ST14: variants seen among roughly 807,000 people sequenced by gnomAD.
ST14 encodes the protein suppressor of tumorigenicity 14 protein.
Under a neutral mutation model 96.5 loss-of-function variants are expected in ST14, and 40 were observed. The observed-to-expected ratio is 0.41, with a 90% CI of 0.32 to 0.54. The LOEUF (loss-of-function observed/expected upper bound fraction) is 0.54, where lower values mean the gene tolerates loss of function less well. Among genes scored for constraint, ST14 ranks in the 20% least tolerant of loss-of-function variants. The pLI, the probability that ST14 is intolerant of heterozygous loss-of-function variation, is 0.17. For synonymous variants in ST14, 506 were observed against 492.1 expected (o/e 1.03, Z -0.37); for missense variants, 1,066 against 1,188.9 (o/e 0.90, Z 1.52).
At position 130,188,184 on chromosome 11, in the gene ST14, G is replaced by T. The variant is rs755207919; in HGVS notation, c.152G>T (p.Gly51Val). The change falls in exon 2 of 19, where the codon GGC becomes GTC. Residue 51 changes from glycine (G) to valine (V), a missense_variant. Transcript: ENST00000278742. The surrounding 1 kb of genome is among the most constrained non-coding windows in gnomAD (Gnocchi z 5.4). ...AACGTCAAGAAGGTGGAAAAGCATG[G>T]CCCGGGGCGCTGGGTGGTGCTGGCA... ...VNNVKKVEKH[G>V]PGRWVVLAAV... 1.2e-6 allele frequency: 2 copies of T among 1,614,196 alleles called. No homozygotes were observed. The highest frequency in any genetic ancestry group is 2.2e-5 in the South Asian group (2 of 91,082).
At chr11:130,162,540 T>C (rs996672287) in intron 1 of ST14, among the ~76,000 whole-genome samples, 1 of 152,140 alleles carries the variant, frequency 6.6e-6, no homozygotes, top group African/African-American at 2.4e-5. Context: ...AAATCAGATG[T>C]CTAGGGGCCA....
chr11:130,194,204 G>A lies in ST14; in HGVS notation c.931G>A (p.Val311Ile), dbSNP rs145493065. The A allele has an allele frequency of 5.2e-5, 84 of 1,614,168 alleles. No homozygotes were observed. The African/African-American group carries it at 8.4e-4, about 16-fold the overall frequency. The part of the protein sequence containing the change: ...YNLTFHSSQN[V>I]LLITLITNTE... ...CCTGACCTTCCACTCCTCCCAGAAC[G>A]TCCTGCTCATCACACTGATAACCAA... Residue 311 changes from valine to isoleucine, a missense_variant, in exon 8 of 19, where the codon GTC becomes ATC. By Grantham distance (29) the Val-to-Ile change is conservative (BLOSUM62 3). Coordinates refer to ENST00000278742, the MANE Select transcript of ST14 (RefSeq NM_021978.4).
intron 16 of ST14, among the ~76,000 whole-genome samples, chr11:130,202,214 T>C (rs756806862): frequency 6.6e-6 from 1 of 152,222 alleles, no homozygotes; most frequent in Non-Finnish European, 1.5e-5. Context: ...TTGCTTTCTT[T>C]CTCATTTCCT....
In ST14 at chr11:130,188,599, C is replaced by A; in HGVS notation, c.311C>A (p.Ala104Asp). ...MRITNENFVD[A>D]YENSNSTEFV... ...ATCACAAATGAGAATTTTGTGGATG[C>A]CTACGAGAACTCCAACTCCACTGAG... is the stretch of plus-strand genomic sequence containing the variant. The change falls in exon 3 of 19, where the codon GCC (alanine) becomes GAC (aspartate). Residue 104 changes from alanine (A) to aspartate (D), a missense_variant. Coordinates refer to ENST00000278742, the MANE Select transcript of ST14 (RefSeq NM_021978.4). This position sits in a 1 kb window ranked among gnomAD's most constrained non-coding sequence, Gnocchi z 5.4. The A allele has an allele frequency of 6.2e-7, 1 of 1,614,216 alleles. No individual in the cohort carries two copies. Among genetic ancestry groups the A allele is most frequent in the Non-Finnish European group, 8.5e-7 (1 of 1,180,038 alleles).
At chr11:130,165,365 G>A (rs770399294) in intron 1 of ST14, among the ~76,000 whole-genome samples, 2 of 152,230 alleles carry the variant, frequency 1.3e-5, no homozygotes, top group African/African-American at 2.4e-5. Flanking sequence ...AGAATTCTCA[G>A]AGTTCTTAGC....
At chr11:130,199,275 G>A (rs1454630843) in intron 15 of ST14, among the ~76,000 whole-genome samples, 1 of 152,214 alleles carries the variant, frequency 6.6e-6, no homozygotes, top group African/African-American at 2.4e-5. Context: ...CTTGGAGAAA[G>A]GCCCGTACGG....
At chr11:130,167,778 G>T (rs7946728) in intron 1 of ST14, among the ~76,000 whole-genome samples, 1 of 151,932 alleles carries the variant, frequency 6.6e-6, no homozygotes, top group South Asian at 2.1e-4. Context: ...GCAGTGGCGC[G>T]ATCTCGGCTC....
At chr11:130,198,763 T>G (rs1456516077) in intron 14 of ST14, 142 bp downstream of exon 14, 20 of 1,400,966 alleles carry the variant, frequency 1.4e-5, no homozygotes, top group Non-Finnish European at 1.9e-5. Flanking sequence ...GGGCTCTGGT[T>G]GGGGGAGAAT....
At chr11:130,199,251 G>A (rs1376395953) in intron 15 of ST14, among the ~76,000 whole-genome samples, 182 bp downstream of exon 15, 3 of 152,298 alleles carry the variant, frequency 2.0e-5, no homozygotes, top group South Asian at 2.1e-4. Flanking sequence ...ACCACCCCAC[G>A]GGCTGGCTCT....
chr11:130,200,804 G>A (rs1402121891), intron 16 of ST14, among the ~76,000 whole-genome samples: 2 of 152,238 alleles, frequency 1.3e-5, no homozygotes, highest in South Asian at 2.1e-4. Context: ...GTAAGGTTCA[G>A]AGAAGTAGGG....
rs998030482 is a variant in ST14 at position 130,187,292 on chromosome 11, A to C, written c.82-822A>C. The stretch of plus-strand genomic sequence containing the variant: ...CGGCAGAAGCCTTCGCCGGTCCGTC[A>C]CTGGGTGCAGCAGACACCCCACCTG... On this transcript the variant is annotated intron_variant, in intron 1 of 18. Coordinates refer to ENST00000278742, the MANE Select transcript of ST14 (RefSeq NM_021978.4). The surrounding 1 kb of genome is among the most constrained non-coding windows in gnomAD (Gnocchi z 4.5). Among the ~76,000 whole-genome samples, 1 of 152,208 alleles carries C rather than the reference A, an allele frequency of 6.6e-6. No homozygotes were observed. Among genetic ancestry groups the C allele is most frequent in the Non-Finnish European group, 1.5e-5 (1 of 68,042 alleles).
At chr11:130,195,071 G>A (rs1953346456) in intron 9 of ST14, among the ~76,000 whole-genome samples, 1 of 152,018 alleles carries the variant, frequency 6.6e-6, no homozygotes, top group Non-Finnish European at 1.5e-5. Flanking sequence ...AACATAGTGA[G>A]ACCTCATCTC....
intron 11 of ST14, 111 bp downstream of exon 11, chr11:130,196,811 T>A: frequency 6.6e-7 from 1 of 1,511,870 alleles, no homozygotes; most frequent in African/African-American, 1.4e-5. Flanking sequence ...CTGGAGAATG[T>A]AAGAGCATCT....
chr11:130,196,831 C>A, intron 11 of ST14, 131 bp downstream of exon 11: 2 of 1,413,672 alleles, frequency 1.4e-6, no homozygotes, highest in African/African-American at 1.4e-5. Context: ...TCACCCCTCC[C>A]GTAGCTTTGG....
chr11:130,188,074 G>A lies in ST14; in HGVS notation c.82-40G>A, dbSNP rs371468081. ...CCCCAGCGGGGTGCAGGGGAAGAGC[G>A]GGTGAGAGGGTCTGAGTGGTGGCGC... On this transcript the variant is annotated intron_variant, in intron 1 of 18. Transcript: ENST00000278742. The surrounding 1 kb of genome is among the most constrained non-coding windows in gnomAD (Gnocchi z 5.4). 1.2e-4 allele frequency: 193 copies of A among 1,612,028 alleles called. No homozygotes were observed. Among genetic ancestry groups the A allele is most frequent in the Middle Eastern group, 1.6e-4 (1 of 6,082 alleles).
chr11:130,209,881 T>C lies in ST14; in HGVS notation c.*58T>C. On this transcript the variant is annotated 3_prime_UTR_variant, in exon 19 of 19. Transcript: ENST00000278742. ...GGGCCACCCATCGTCCACCCCAGTG[T>C]GCACGCCTGCAGGCTGGAGACTGGA... The C allele has an allele frequency of 1.3e-6, 2 of 1,597,226 alleles. No homozygotes were observed. The highest frequency in any genetic ancestry group is 1.7e-6 in the Non-Finnish European group (2 of 1,173,650).
chr11:130,194,867 T>TGC, intron 9 of ST14, 130 bp downstream of exon 9: 1 of 863,706 alleles, frequency 1.2e-6, no homozygotes, highest in Non-Finnish European at 1.9e-6. Flanking sequence ...TGTGTGTGTG[T>TGC]GTGTGTGTGC....
intron 1 of ST14, among the ~76,000 whole-genome samples, chr11:130,169,978 T>C (rs1953075677): frequency 6.6e-6 from 1 of 152,126 alleles, no homozygotes; most frequent in Non-Finnish European, 1.5e-5. Context: ...GTGGGGCAGC[T>C]GGGCCGGGAA....
intron 16 of ST14, among the ~76,000 whole-genome samples, chr11:130,201,690 C>T (rs1409668316): frequency 6.6e-6 from 1 of 152,274 alleles, no homozygotes; most frequent in Admixed American, 6.5e-5. Flanking sequence ...AGCAATCCTC[C>T]TGCTTCAGCC....
Sources: gnomAD v4.1 joint callset for allele counts (sites outside exome capture counted in the v4.1 genomes callset) on GRCh38, gnomAD v4.1.1 for gene constraint, Gnocchi (gnomAD v3.1) non-coding constraint, MANE v1.5 for transcripts, NCBI Gene and HGNC (gene_info 2026-07-23, HGNC 2026-07-21) for gene names.